Variants in CENPX observed in about 807,000 individuals in gnomAD.
CENPX encodes the protein centromere protein X, also known as FANCM associated histone fold protein 2.
CENPX carries 13 observed loss-of-function variants against 13.2 expected under a neutral mutation model. The ratio of observed to expected loss-of-function variants is 0.98; its 90% CI spans 0.64 to 1.56. CENPX has a LOEUF of 1.56. Among genes scored for constraint, CENPX ranks in the 40% most tolerant of loss-of-function variants. The pLI is 0.00. For synonymous variants in CENPX, 66 were observed against 47.2 expected, an observed-to-expected ratio of 1.40 and a Z score of -1.63; for missense variants, 138 against 107.5, an observed-to-expected ratio of 1.28 and a Z score of -1.26.
Position 82,019,849 on chromosome 17 carries a change from C to A in CENPX, c.88+9G>T, listed in dbSNP as rs770578835. 1.9e-6 allele frequency: 3 copies of A among 1,599,850 alleles called. No individual in the cohort carries two copies. Among genetic ancestry groups the A allele is most frequent in the Non-Finnish European group, 2.6e-6 (3 of 1,171,158 alleles). ...GGGACCCACCTCCCGCCCGCACCCC[C>A]ACCCGCACCTTTGGTCTTGTCATCC... On this transcript the variant is annotated intron_variant, in intron 2 of 4. Coordinates refer to ENST00000392359, the MANE Select transcript of CENPX (RefSeq NM_001271006.2).
At chr17:82,020,170 G>A (rs939481571) in intron 1 of CENPX, among the ~76,000 whole-genome samples, 2 of 152,184 alleles carry the variant, frequency 1.3e-5, no homozygotes, top group East Asian at 1.9e-4. Context: ...GTGAGTGGTC[G>A]CAGACACGGG....
At chr17:82,021,615 C>A (rs1282911219) in intron 1 of CENPX, among the ~76,000 whole-genome samples, 2 of 152,222 alleles carry the variant, frequency 1.3e-5, no homozygotes, top group Non-Finnish European at 1.5e-5. Flanking sequence ...ACGGGCCCCC[C>A]ACTCCCCGTC....
At chr17:82,020,190 C>A (rs549472476) in intron 1 of CENPX, among the ~76,000 whole-genome samples, 1 of 152,350 alleles carries the variant, frequency 6.6e-6, no homozygotes, top group Non-Finnish European at 1.5e-5. Flanking sequence ...GAGCAGGCCC[C>A]GCTGCTGGGG....
chr17:82,019,434 G>T, intron 3 of CENPX, 53 bp from the exon 4 acceptor site: 1 of 1,521,672 alleles, frequency 6.6e-7, no homozygotes, highest in East Asian at 2.5e-5. Context: ...TTAAACCCGA[G>T]CCCAGTGAGG....
rs75826554 is a variant in CENPX, at chr17:82,019,339, G to A, written c.185C>T (p.Ala62Val). ...CAGCTGGTCCACGTCCACACGGAGC[G>A]CGTCTTCTGCCTGGGCCTGCCGCAC... ...RGVRQAQAED[A>V]LRVDVDQLEK... The change falls in exon 4 of 5, where the codon GCG (alanine) becomes GTG (valine). Residue 62 changes from alanine to valine, a missense_variant. By Grantham distance (64) the Ala-to-Val change is moderately conservative (BLOSUM62 0). Coordinates refer to ENST00000392359, the MANE Select transcript of CENPX (RefSeq NM_001271006.2). The A allele has an allele frequency of 4.9e-3, 7,682 of 1,577,872 alleles. 24 individuals are homozygous for A. The highest frequency in any genetic ancestry group is 5.7e-3 in the Non-Finnish European group (6,643 of 1,164,054).
At position 82,018,872 on chromosome 17, in the gene CENPX, AAC is replaced by A; in HGVS notation, c.*331_*332del. 2.7e-6 allele frequency: 1 copy of A among 367,744 alleles called. No individual in the cohort carries two copies. The highest frequency in any genetic ancestry group is 4.8e-6 in the Non-Finnish European group (1 of 206,186). The allele number at this position is 367,744 out of a possible 1,614,324, so 22.8% of individuals were successfully genotyped here. A position where few individuals can be genotyped will look rare whatever the true frequency, so the allele number is the denominator to read the frequency against. On this transcript the variant is annotated 3_prime_UTR_variant, in exon 5 of 5. Coordinates refer to ENST00000392359, the MANE Select transcript of CENPX (RefSeq NM_001271006.2). ...CAGCGCTGCCAGCTGCTGTTTGTCA[AAC>A]ACACAGGCTACCTGCTGGCCAGGCC... is the stretch of plus-strand genomic sequence containing the variant.
Position 82,019,922 on chromosome 17 carries a change from G to A in CENPX, c.37-13C>T, listed in dbSNP as rs200441304. On this transcript the variant is annotated splice_polypyrimidine_tract_variant and intron_variant, in intron 1 of 4. Transcript: ENST00000392359. ...TGCTCACCAGCTCCTAGAAGGGAGG[G>A]GGGTGTCAGCGCCACGCCCCGCCCT... The A allele has an allele frequency of 6.2e-4, 987 of 1,580,766 alleles. 1 individual carries two copies. The highest frequency in any genetic ancestry group is 8.1e-4 in the Non-Finnish European group (935 of 1,158,840).
intron 4 of CENPX, 21 bp from the exon 5 acceptor site, chr17:82,019,240 T>TA: frequency 6.3e-7 from 1 of 1,596,026 alleles, no homozygotes. Flanking sequence ...GAGAAGCACT[T>TA]AGGGCCAGCC....
In CENPX at chr17:82,018,843, G is replaced by A; in HGVS notation, c.*362C>T. On this transcript the variant is annotated 3_prime_UTR_variant, in exon 5 of 5. Transcript: ENST00000392359. ...TGTCGGGTGGCAGGAATGTGGGCAG[G>A]AGGCAGCGCTGCCAGCTGCTGTTTG... 3.0e-6 allele frequency: 1 copy of A among 337,676 alleles called. No homozygotes were observed. Among genetic ancestry groups the A allele is most frequent in the Non-Finnish European group, 5.4e-6 (1 of 186,490 alleles). 20.9% of individuals were successfully genotyped at this position (337,676 alleles called of 1,614,324 possible).
At chr17:82,022,489 A>G in intron 1 of CENPX, 1 of 464,152 alleles carries the variant, frequency 2.2e-6, no homozygotes, top group Non-Finnish European at 3.8e-6. Context: ...CCCTTAACAA[A>G]AGACCCCAGG....
intron 1 of CENPX, among the ~76,000 whole-genome samples, chr17:82,022,298 G>T (rs954017165): frequency 1.3e-5 from 2 of 152,226 alleles, no homozygotes; most frequent in Non-Finnish European, 2.9e-5. Context: ...TGGCAGGTGG[G>T]GTTAATCCCT....
At position 82,019,024 on chromosome 17, in the gene CENPX, C is replaced by T. The variant is rs183111147; in HGVS notation, c.*181G>A. ...TGTCCCCACTGGACACTCCAAGGCC[C>T]GCAGTGCACTGCAGTCCTGCCCCTT... On this transcript the variant is annotated 3_prime_UTR_variant, in exon 5 of 5. Coordinates refer to ENST00000392359, the MANE Select transcript of CENPX (RefSeq NM_001271006.2). The T allele has an allele frequency of 6.1e-4, 537 of 887,122 alleles. 3 individuals carry two copies. The African/African-American group carries it at 8.2e-3, about 14-fold the overall frequency. The allele number at this position is 887,122 out of a possible 1,614,324, so 55.0% of individuals were successfully genotyped here. A position where few individuals can be genotyped will look rare whatever the true frequency, so the allele number is the denominator to read the frequency against.
intron 1 of CENPX, 79 bp downstream of exon 1, chr17:82,022,747 C>T: frequency 6.8e-7 from 1 of 1,478,456 alleles, no homozygotes; most frequent in Admixed American, 2.0e-5. Flanking sequence ...CGGGGGCTGG[C>T]GTCTGGCCCT....
chr17:82,019,550 G>A, intron 3 of CENPX, 91 bp downstream of exon 3: 5 of 1,546,634 alleles, frequency 3.2e-6, no homozygotes, highest in Non-Finnish European at 8.7e-7. Context: ...AGGCCCTTGT[G>A]GGAAACGGGA....
chr17:82,021,857 A>G (rs1184172239), intron 1 of CENPX, among the ~76,000 whole-genome samples: 5 of 151,990 alleles, frequency 3.3e-5, no homozygotes, highest in Non-Finnish European at 7.4e-5. Flanking sequence ...AAGAATCTTC[A>G]ACTCCACCAC....
chr17:82,019,898 G>A lies in CENPX; in HGVS notation c.48C>T (p.Ser16=), dbSNP rs200763584. The part of the protein sequence containing the change: ...AGSGFRKELV[S]RLLHLHFKDD... ...CCTTGAAGTGCAGGTGCAGCAGCCT[G>A]CTCACCAGCTCCTAGAAGGGAGGGG... Residue 16 remains serine, a synonymous_variant, in exon 2 of 5, where the codon AGC becomes AGT. Transcript: ENST00000392359. 20 of 1,595,480 alleles carry A rather than the reference G, an allele frequency of 1.3e-5. No homozygotes were observed. The highest frequency in any genetic ancestry group is 1.7e-5 in the Non-Finnish European group (20 of 1,167,666).
At chr17:82,021,629 C>A (rs1310187699) in intron 1 of CENPX, among the ~76,000 whole-genome samples, 6 of 152,260 alleles carry the variant, frequency 3.9e-5, no homozygotes, top group Non-Finnish European at 8.8e-5. Context: ...CCCCGTCATT[C>A]TCACGCTCAT....
At chr17:82,022,681 C>A (rs2043310542) in intron 1 of CENPX, 145 bp downstream of exon 1, 1 of 978,314 alleles carries the variant, frequency 1.0e-6, no homozygotes, top group South Asian at 1.6e-5. Flanking sequence ...GGCGCGCGGC[C>A]CGGCCGGAGA....
In CENPX at chr17:82,019,326, G is replaced by C. The variant is rs562668568; in HGVS notation, c.198C>G (p.Asp66Glu). The C allele has an allele frequency of 6.3e-7, 1 of 1,587,580 alleles. No individual in the cohort carries two copies. The highest frequency in any genetic ancestry group is 2.3e-5 in the East Asian group (1 of 43,916). Residue 66 changes from aspartate to glutamate, a missense_variant, in exon 4 of 5, where the codon GAC (aspartate) becomes GAG (glutamate). Coordinates refer to ENST00000392359, the MANE Select transcript of CENPX (RefSeq NM_001271006.2). The part of the protein sequence containing the change: ...QAQAEDALRV[D>E]VDQLEKVLPQ... ...GAAGCACCTTCTCCAGCTGGTCCAC[G>C]TCCACACGGAGCGCGTCTTCTGCCT...
Sources: gnomAD v4.1 joint callset for allele counts (sites outside exome capture counted in the v4.1 genomes callset) on GRCh38, gnomAD v4.1.1 for gene constraint, MANE v1.5 for transcripts, NCBI Gene and HGNC (gene_info 2026-07-23, HGNC 2026-07-21) for gene names.